SBF2: variants seen among roughly 807,000 people sequenced by gnomAD.
SBF2 encodes the protein myotubularin-related protein 13.
A neutral mutation model predicts 225.2 loss-of-function variants in SBF2; 112 were observed. The observed-to-expected ratio is 0.50, with a 90% CI of 0.43 to 0.58. SBF2 has a LOEUF of 0.58. Ranked by LOEUF, SBF2 falls within the 20% of genes least tolerant of loss-of-function variation. SBF2 has a pLI of 0.00. For missense variants in SBF2, 1,996 were observed against 2,206.2 expected (o/e 0.90, Z 1.91); for synonymous variants, 763 against 773.3 (o/e 0.99, Z 0.22).
intron 17 of SBF2, among the ~76,000 whole-genome samples, chr11:9,871,144 A>G (rs1858699209): frequency 6.6e-6 from 1 of 152,128 alleles, no homozygotes; most frequent in Non-Finnish European, 1.5e-5. Flanking sequence ...AAACTGACAA[A>G]TGGGATCTAA....
chr11:10,130,698 G>A (rs796955654), intron 2 of SBF2, among the ~76,000 whole-genome samples: 9 of 151,794 alleles, frequency 5.9e-5, no homozygotes, highest in African/African-American at 2.2e-4. Flanking sequence ...ACCCAACCCC[G>A]CCCCCACAAA....
rs117840087 is a variant in SBF2 at position 9,983,545 on chromosome 11, C to T, written c.1395+5952G>A. The stretch of plus-strand genomic sequence containing the variant: ...TATTATCTTGGGAGTTCAAGGGCCC[C>T]GCCCACCACTGGTCCCTCTCCACAC... On this transcript the variant is annotated intron_variant, in intron 13 of 39. Transcript: ENST00000256190. Among the ~76,000 whole-genome samples, 1,243 of 152,222 alleles carry T rather than the reference C, an allele frequency of 8.2e-3. 8 individuals carry two copies. Among genetic ancestry groups the T allele is most frequent in the South Asian group, 0.025 (123 of 4,824 alleles).
In SBF2 at chr11:9,886,291, CAT is replaced by C. The variant is rs553667805; in HGVS notation, c.1929+9650_1929+9651del. Among the ~76,000 whole-genome samples, 29 of 152,332 alleles carry C rather than the reference CAT, an allele frequency of 1.9e-4. 1 individual carries two copies. The highest frequency in any genetic ancestry group is 3.4e-3 in the Middle Eastern group (1 of 294). On this transcript the variant is annotated intron_variant, in intron 17 of 39. Transcript: ENST00000256190. ...ATTCTGCAACTTCACCTGATCTTCA[CAT>C]GATTCTCCTGTGCTGTCTCATTCTT... is the stretch of plus-strand genomic sequence containing the variant.
At chr11:9,959,209 G>A (rs1866396497) in intron 16 of SBF2, 1 of 780,716 alleles carries the variant, frequency 1.3e-6, no homozygotes, top group Non-Finnish European at 2.4e-6. Context: ...TTTCCACTGG[G>A]CAGGCATGAC....
upstream of SBF2, among the ~76,000 whole-genome samples, chr11:10,296,892 A>G (rs1339143589): frequency 2.0e-5 from 3 of 152,060 alleles, no homozygotes; most frequent in African/African-American, 4.8e-5. Context: ...ATGTTTTGTT[A>G]TAGCTATCTT....
rs1322155986 is a variant in SBF2 at position 9,814,838 on chromosome 11, T to C, written c.3978+2002A>G. Among the ~76,000 whole-genome samples, 6 of 152,218 alleles carry C rather than the reference T, an allele frequency of 3.9e-5. No individual in the cohort carries two copies. In the South Asian group the frequency reaches 1.0e-3, roughly 26 times the overall value. On this transcript the variant is annotated intron_variant, in intron 29 of 39. Transcript: ENST00000256190. ...CTAACCAAAGTATTGAGACACTCCA[T>C]TAGGTTGTAAGGAATTTGTTCCTAA...
chr11:10,127,124 T>A (rs761399523), intron 2 of SBF2, among the ~76,000 whole-genome samples: 1 of 152,122 alleles, frequency 6.6e-6, no homozygotes. Flanking sequence ...CAACAACAGT[T>A]GCACAACAAT....
intron 1 of SBF2, among the ~76,000 whole-genome samples, chr11:10,292,458 G>A (rs1333259197): frequency 6.6e-6 from 1 of 152,080 alleles, no homozygotes; most frequent in Non-Finnish European, 1.5e-5. Flanking sequence ...GAGGCCGGTG[G>A]ATCACGAGAT....
At chr11:9,919,765 G>C (rs1471481316) in intron 16 of SBF2, among the ~76,000 whole-genome samples, 2 of 151,934 alleles carry the variant, frequency 1.3e-5, no homozygotes, top group Non-Finnish European at 2.9e-5. Context: ...GCAGAAATTG[G>C]GCATAAGACA....
At chr11:10,170,282 A>G (rs753673130) in intron 2 of SBF2, among the ~76,000 whole-genome samples, 7 of 152,122 alleles carry the variant, frequency 4.6e-5, no homozygotes, top group Non-Finnish European at 1.0e-4. Flanking sequence ...TAAGTCTTTA[A>G]TCAATTTTGA....
chr11:10,281,052 T>G (rs756595943), intron 1 of SBF2, among the ~76,000 whole-genome samples: 5 of 152,354 alleles, frequency 3.3e-5, no homozygotes, highest in South Asian at 2.1e-4. Flanking sequence ...TTCTTCTGTG[T>G]ATCTGGATTC....
chr11:10,107,287 T>A (rs190887852), intron 2 of SBF2, among the ~76,000 whole-genome samples: 8 of 152,274 alleles, frequency 5.3e-5, no homozygotes, highest in Admixed American at 5.2e-4. Flanking sequence ...GGTGAACAGA[T>A]AAAGTGTGGC....
intron 1 of SBF2, among the ~76,000 whole-genome samples, chr11:10,243,705 C>T (rs958814598): frequency 9.2e-5 from 14 of 151,908 alleles, no homozygotes; most frequent in African/African-American, 2.9e-4. Flanking sequence ...ACAACCTAAA[C>T]AGATAAATTC....
At chr11:10,272,259 T>A in intron 1 of SBF2, 1 of 1,036,288 alleles carries the variant, frequency 9.6e-7, no homozygotes. Flanking sequence ...CCGGAGGACA[T>A]GGCGGCGGCG....
chr11:10,151,869 A>G (rs1215625548), intron 2 of SBF2, among the ~76,000 whole-genome samples: 4 of 152,322 alleles, frequency 2.6e-5, no homozygotes, highest in East Asian at 1.9e-4. Context: ...TCATTTTCCA[A>G]TGAATAGTCA....
chr11:10,219,620 CA>C (rs1343543351), intron 1 of SBF2, among the ~76,000 whole-genome samples: 1 of 152,176 alleles, frequency 6.6e-6, no homozygotes, highest in Non-Finnish European at 1.5e-5. Flanking sequence ...GCAAAATTTC[CA>C]AACTTCTATG....
At chr11:10,155,506 C>T (rs988790176) in intron 2 of SBF2, among the ~76,000 whole-genome samples, 1 of 151,690 alleles carries the variant, frequency 6.6e-6, no homozygotes, top group Non-Finnish European at 1.5e-5. Context: ...TGGGGTAATG[C>T]CAAACAATAA....
chr11:9,895,724 G>A (rs1861198469), intron 17 of SBF2, among the ~76,000 whole-genome samples: 1 of 152,128 alleles, frequency 6.6e-6, no homozygotes, highest in Admixed American at 6.5e-5. Flanking sequence ...TTAAGGAAAA[G>A]GATGTAACGG....
intron 19 of SBF2, among the ~76,000 whole-genome samples, chr11:9,855,196 G>C (rs534203437): frequency 8.2e-4 from 125 of 152,312 alleles, no homozygotes; most frequent in African/African-American, 2.9e-3. Flanking sequence ...TAAATAACCA[G>C]AGGATGAACA....
Sources: gnomAD v4.1 joint callset for allele counts (sites outside exome capture counted in the v4.1 genomes callset) on GRCh38, gnomAD v4.1.1 for gene constraint, MANE v1.5 for transcripts, NCBI Gene and HGNC (gene_info 2026-07-23, HGNC 2026-07-21) for gene names.